GNG12: variants seen among roughly 807,000 people sequenced by gnomAD.
GNG12 encodes the protein guanine nucleotide-binding protein G(I)/G(S)/G(O) subunit gamma-12.
For synonymous variants in GNG12, 28 were observed against 29.7 expected, an observed-to-expected ratio of 0.94 and a Z score of 0.19; for missense variants, 69 against 83.8, an observed-to-expected ratio of 0.82 and a Z score of 0.69.
intron 2 of GNG12, among the ~76,000 whole-genome samples, chr1:67,756,890 A>G (rs533092639): frequency 4.6e-5 from 7 of 152,116 alleles, no homozygotes; most frequent in Non-Finnish European, 1.0e-4. Flanking sequence ...CAGCCGGTGT[A>G]CCCTGCTGAG....
In GNG12 at chr1:67,704,084, C is replaced by G. The variant is rs1263840550; in HGVS notation, c.*1367G>C. On this transcript the variant is annotated 3_prime_UTR_variant, in exon 4 of 4. Transcript: ENST00000370982. ...ACCTTATTGGCCATAGGAGATTCCT[C>G]CTTTTGGGGCTACCCCCATACCTGG... 6.6e-6 allele frequency: 1 copy of G among 152,230 alleles called. No individual in the cohort carries two copies. The highest frequency in any genetic ancestry group is 6.5e-5 in the Admixed American group (1 of 15,290). The allele number at this position is 152,230 out of a possible 1,614,324, so 9.4% of individuals were successfully genotyped here.
intron 1 of GNG12, among the ~76,000 whole-genome samples, chr1:67,802,636 C>A (rs1646872842): frequency 1.3e-5 from 2 of 152,154 alleles, no homozygotes; most frequent in African/African-American, 4.8e-5. Flanking sequence ...GGCTCTCTCA[C>A]CATCCCGAGG....
intron 2 of GNG12, among the ~76,000 whole-genome samples, chr1:67,770,803 CCT>C (rs142428807): frequency 0.017 from 2,557 of 152,288 alleles, 61 homozygotes; most frequent in African/African-American, 0.058. Context: ...GCACACTCCC[CCT>C]GACCCCACAA....
chr1:67,800,856 T>C (rs1646860553), intron 1 of GNG12, among the ~76,000 whole-genome samples: 1 of 152,096 alleles, frequency 6.6e-6, no homozygotes, highest in Non-Finnish European at 1.5e-5. Context: ...CTTGAAAGGA[T>C]CATGGAGACC....
At chr1:67,766,954 G>A (rs531142012) in intron 2 of GNG12, among the ~76,000 whole-genome samples, 45 of 152,328 alleles carry the variant, frequency 3.0e-4, no homozygotes, top group South Asian at 6.2e-4. Context: ...AATCAAATGT[G>A]AGTTTTAGCA....
intron 1 of GNG12, among the ~76,000 whole-genome samples, chr1:67,814,389 G>A (rs547778023): frequency 6.0e-4 from 91 of 152,280 alleles, no homozygotes; most frequent in African/African-American, 1.9e-3. Flanking sequence ...TAGTGTAACA[G>A]TCAACTAAAG....
At chr1:67,705,854 C>T (rs1023622192) in intron 3 of GNG12, among the ~76,000 whole-genome samples, 12 of 152,076 alleles carry the variant, frequency 7.9e-5, no homozygotes, top group African/African-American at 2.2e-4. Context: ...GAGGACACAC[C>T]GCCAGCTAAT....
intron 2 of GNG12, among the ~76,000 whole-genome samples, chr1:67,714,510 G>C (rs750845830): frequency 6.6e-6 from 1 of 152,194 alleles, no homozygotes; most frequent in Non-Finnish European, 1.5e-5. Context: ...AAGTATGTGA[G>C]TGTAATAAAC....
At chr1:67,788,132 T>C (rs1646780758) in intron 1 of GNG12, among the ~76,000 whole-genome samples, 1 of 152,214 alleles carries the variant, frequency 6.6e-6, no homozygotes, top group Admixed American at 6.5e-5. Flanking sequence ...AAGGCTCCTA[T>C]ATAATTTGCC....
At chr1:67,729,099 T>C (rs1313904847) in intron 2 of GNG12, among the ~76,000 whole-genome samples, 1 of 152,270 alleles carries the variant, frequency 6.6e-6, no homozygotes, top group African/African-American at 2.4e-5. Flanking sequence ...GTTCTTCACA[T>C]TTCTGACAGG....
chr1:67,713,483 G>C (rs892704794), intron 2 of GNG12, among the ~76,000 whole-genome samples: 2 of 152,154 alleles, frequency 1.3e-5, no homozygotes, highest in African/African-American at 4.8e-5. Context: ...CTGAAGCAGG[G>C]AGAGCAGGGT....
intron 2 of GNG12, among the ~76,000 whole-genome samples, chr1:67,713,040 T>C (rs972290657): frequency 1.3e-5 from 2 of 152,198 alleles, no homozygotes; most frequent in African/African-American, 4.8e-5. Flanking sequence ...ACTATGTGGT[T>C]CTTAATCAGG....
intron 2 of GNG12, among the ~76,000 whole-genome samples, chr1:67,768,475 C>A (rs943633066): frequency 1.3e-5 from 2 of 151,732 alleles, no homozygotes; most frequent in Admixed American, 6.6e-5. Context: ...TAAAAAAAAA[C>A]AGGCTGAGGA....
chr1:67,764,093 G>A (rs559143272), intron 2 of GNG12, among the ~76,000 whole-genome samples: 2 of 152,246 alleles, frequency 1.3e-5, no homozygotes, highest in South Asian at 4.1e-4. Context: ...TAAATACTGA[G>A]TGTATATTCT....
intron 2 of GNG12, among the ~76,000 whole-genome samples, chr1:67,717,329 A>G (rs940091212): frequency 3.3e-5 from 5 of 152,098 alleles, no homozygotes; most frequent in Non-Finnish European, 5.9e-5. Flanking sequence ...AGCCTGCCCA[A>G]TATGGCCAAA....
chr1:67,811,119 T>C (rs1052515278), intron 1 of GNG12, among the ~76,000 whole-genome samples: 4 of 152,220 alleles, frequency 2.6e-5, no homozygotes, highest in Admixed American at 6.5e-5. Flanking sequence ...CTGATGCTCA[T>C]CAAAATTTGA....
At chr1:67,769,811 C>A (rs984448287) in intron 2 of GNG12, among the ~76,000 whole-genome samples, 1 of 149,510 alleles carries the variant, frequency 6.7e-6, no homozygotes, top group African/African-American at 2.5e-5. Flanking sequence ...ACAAGGCACG[C>A]ACACACACAC....
intron 2 of GNG12, among the ~76,000 whole-genome samples, chr1:67,768,972 T>C (rs1020965912): frequency 9.2e-5 from 14 of 152,112 alleles, no homozygotes; most frequent in Non-Finnish European, 2.1e-4. Flanking sequence ...TATCACCTCA[T>C]ATGATGGGTC....
At chr1:67,730,103 A>G (rs898311518) in intron 2 of GNG12, among the ~76,000 whole-genome samples, 2 of 152,266 alleles carry the variant, frequency 1.3e-5, no homozygotes, top group African/African-American at 4.8e-5. Context: ...GAGTCACTCA[A>G]TAGAATATTA....
Sources: gnomAD v4.1 joint callset for allele counts (sites outside exome capture counted in the v4.1 genomes callset) on GRCh38, gnomAD v4.1.1 for gene constraint, MANE v1.5 for transcripts, NCBI Gene and HGNC (gene_info 2026-07-23, HGNC 2026-07-21) for gene names.